Variants in FSIP1 observed in about 807,000 individuals in gnomAD.
FSIP1 encodes the protein fibrous sheath interacting protein 1.
A neutral mutation model predicts 60.9 loss-of-function variants in FSIP1; 65 were observed. That is an observed-to-expected ratio of 1.07 (90% confidence interval 0.87 to 1.31). The LOEUF (loss-of-function observed/expected upper bound fraction) is 1.31. Ranked by LOEUF, FSIP1 falls within the 40% of genes most tolerant of loss-of-function variation. The pLI is 0.00. For missense variants in FSIP1, 675 were observed against 665.5 expected, an observed-to-expected ratio of 1.01 and a Z score of -0.16; for synonymous variants, 209 against 221.2, an observed-to-expected ratio of 0.94 and a Z score of 0.49.
At chr15:39,756,723 C>CA (rs1897311807) in intron 5 of FSIP1, among the ~76,000 whole-genome samples, 2 of 151,802 alleles carry the variant, frequency 1.3e-5, no homozygotes, top group Admixed American at 6.6e-5. Context: ...TGTTTAAAGA[C>CA]AAAAAATGAA....
At chr15:39,665,543 T>G in intron 10 of FSIP1, among the ~76,000 whole-genome samples, 1 of 152,214 alleles carries the variant, frequency 6.6e-6, no homozygotes, top group Non-Finnish European at 1.5e-5. Context: ...AAGTTTGTAA[T>G]GAGAAAACGG....
rs1893556572 is a variant in FSIP1, at chr15:39,667,785, T to G, written c.1188+45659A>C. Among the ~76,000 whole-genome samples, 6 of 151,994 alleles carry G rather than the reference T, an allele frequency of 3.9e-5. No individual in the cohort carries two copies. In the South Asian group the frequency reaches 1.2e-3, roughly 32 times the overall value. ...GCATAAAAGGAAAGGGAAAGGACAT[T>G]CCAAAATTAGAAATCAATTTAGGCA... On this transcript the variant is annotated intron_variant, in intron 10 of 11. Coordinates refer to ENST00000350221, the MANE Select transcript of FSIP1 (RefSeq NM_152597.5).
intron 8 of FSIP1, among the ~76,000 whole-genome samples, chr15:39,734,447 AAAACT>A (rs1896534666): frequency 1.3e-5 from 2 of 152,198 alleles, no homozygotes; most frequent in African/African-American, 2.4e-5. Context: ...TTTAAAGGTA[AAAACT>A]AAAATGTGTA....
chr15:39,666,438 C>A (rs1056269954), intron 10 of FSIP1, among the ~76,000 whole-genome samples: 1 of 152,126 alleles, frequency 6.6e-6, no homozygotes, highest in African/African-American at 2.4e-5. Flanking sequence ...CGTTCAGGCA[C>A]TTATTTATAG....
intron 11 of FSIP1, among the ~76,000 whole-genome samples, chr15:39,610,299 A>C (rs1364199478): frequency 6.6e-6 from 1 of 152,244 alleles, no homozygotes. Context: ...TGGAAATATG[A>C]CAACATCCAG....
chr15:39,634,730 A>T (rs1182798400), intron 10 of FSIP1, among the ~76,000 whole-genome samples: 3 of 152,234 alleles, frequency 2.0e-5, no homozygotes, highest in Non-Finnish European at 4.4e-5. Flanking sequence ...AGTGATCATT[A>T]CTGTGAAAAT....
chr15:39,727,199 C>A (rs1896233546), intron 8 of FSIP1, among the ~76,000 whole-genome samples: 1 of 152,346 alleles, frequency 6.6e-6, no homozygotes, highest in Middle Eastern at 3.4e-3. Flanking sequence ...GATCATCTTT[C>A]ATTCAACTAA....
intron 10 of FSIP1, among the ~76,000 whole-genome samples, chr15:39,630,073 G>A (rs1185277184): frequency 6.6e-6 from 1 of 152,180 alleles, no homozygotes; most frequent in African/African-American, 2.4e-5. Flanking sequence ...GTCTAGACAC[G>A]TATCTGAAAT....
At chr15:39,629,119 C>A (rs1331027239) in intron 10 of FSIP1, among the ~76,000 whole-genome samples, 1 of 152,064 alleles carries the variant, frequency 6.6e-6, no homozygotes, top group Admixed American at 6.5e-5. Flanking sequence ...CTCTTGGATA[C>A]CAGGAATGGA....
rs1218916221 is a variant in FSIP1, at chr15:39,600,354, G to A, written c.*526C>T. On this transcript the variant is annotated 3_prime_UTR_variant, in exon 12 of 12. Coordinates refer to ENST00000350221, the MANE Select transcript of FSIP1 (RefSeq NM_152597.5). ...TCACTCAAACTCCTACTTAAGAAACGTGTCATCACCAATAAGATAGTAAAG... is the reference window on the plus strand; with the variant it reads ...TCACTCAAACTCCTACTTAAGAAACATGTCATCACCAATAAGATAGTAAAG... 2 of 152,168 alleles carry A rather than the reference G, an allele frequency of 1.3e-5. No homozygotes were observed. Among genetic ancestry groups the A allele is most frequent in the South Asian group, 2.1e-4 (1 of 4,818 alleles). The allele number at this position is 152,168 out of a possible 1,614,324, so 9.4% of individuals were successfully genotyped here. A position where few individuals can be genotyped will look rare whatever the true frequency, so the allele number is the denominator to read the frequency against.
At chr15:39,683,829 G>GA (rs1157514048) in intron 10 of FSIP1, among the ~76,000 whole-genome samples, 1 of 151,966 alleles carries the variant, frequency 6.6e-6, no homozygotes, top group African/African-American at 2.4e-5. Flanking sequence ...TAGAAACCAA[G>GA]AAAAAATACC....
intron 10 of FSIP1, among the ~76,000 whole-genome samples, chr15:39,693,128 G>A (rs1207479635): frequency 2.0e-5 from 3 of 152,178 alleles, no homozygotes; most frequent in Admixed American, 6.5e-5. Context: ...TCCTTTTGAA[G>A]CCATAAAGTG....
At chr15:39,676,023 AAT>A (rs1435366388) in intron 10 of FSIP1, among the ~76,000 whole-genome samples, 14 of 134,282 alleles carry the variant, frequency 1.0e-4, no homozygotes, top group Non-Finnish European at 2.4e-4. Context: ...AAAAAAAAAA[AAT>A]AGCCGTGCGT....
chr15:39,749,447 T>C (rs568696755), intron 5 of FSIP1, among the ~76,000 whole-genome samples: 211 of 152,076 alleles, frequency 1.4e-3, no homozygotes, highest in African/African-American at 5.0e-3. Context: ...TTCAACAATA[T>C]ATCAAAAAGA....
intron 10 of FSIP1, among the ~76,000 whole-genome samples, chr15:39,689,620 C>T (rs576428256): frequency 6.6e-6 from 1 of 152,182 alleles, no homozygotes; most frequent in African/African-American, 2.4e-5. Flanking sequence ...GCTCCTATCA[C>T]CCCTCTCACT....
chr15:39,739,538 C>A, intron 7 of FSIP1, 127 bp downstream of exon 7: 2 of 841,366 alleles, frequency 2.4e-6, no homozygotes, highest in Non-Finnish European at 3.7e-6. Flanking sequence ...TTCATTATAT[C>A]TACTAATTCA....
At position 39,689,832 on chromosome 15, in the gene FSIP1, G is replaced by C. The variant is rs116578106; in HGVS notation, c.1188+23612C>G. Among the ~76,000 whole-genome samples, 1,164 of 152,246 alleles carry C rather than the reference G, an allele frequency of 7.6e-3. 24 individuals are homozygous for C. The highest frequency in any genetic ancestry group is 0.027 in the African/African-American group (1,111 of 41,554). On this transcript the variant is annotated intron_variant, in intron 10 of 11. Coordinates refer to ENST00000350221, the MANE Select transcript of FSIP1 (RefSeq NM_152597.5). ...AAAAAGAAAATGTTAGAAGCAAATG[G>C]AGAATCATTTGAGTCCATTATCATT...
At chr15:39,632,630 T>C (rs1163992111) in intron 10 of FSIP1, among the ~76,000 whole-genome samples, 1 of 152,060 alleles carries the variant, frequency 6.6e-6, no homozygotes, top group African/African-American at 2.4e-5. Flanking sequence ...CTGTGTCTAC[T>C]AAAAATACAA....
chr15:39,691,320 G>C (rs1894591112), intron 10 of FSIP1, among the ~76,000 whole-genome samples: 1 of 152,228 alleles, frequency 6.6e-6, no homozygotes, highest in African/African-American at 2.4e-5. Context: ...AACTGCTCCT[G>C]TTCTGAGTGC....
Sources: gnomAD v4.1 joint callset for allele counts (sites outside exome capture counted in the v4.1 genomes callset) on GRCh38, gnomAD v4.1.1 for gene constraint, MANE v1.5 for transcripts, NCBI Gene and HGNC (gene_info 2026-07-23, HGNC 2026-07-21) for gene names.